The following TAFA2 variants were observed in gnomAD, a reference collection of about 807,000 sequenced individuals.
The protein encoded by TAFA2 is chemokine-like protein TAFA-2.
Under a neutral mutation model 18.8 loss-of-function variants are expected in TAFA2, and 7 were observed. The observed-to-expected ratio is 0.37, with a 90% CI of 0.21 to 0.70. TAFA2 has a LOEUF of 0.70. Among genes scored for constraint, TAFA2 ranks in the 30% least tolerant of loss-of-function variants. The pLI, the probability that TAFA2 is intolerant of heterozygous loss-of-function variation, is 0.53. For missense variants in TAFA2, 122 were observed against 158.1 expected (o/e 0.77, Z 1.23); for synonymous variants, 60 against 54.2 (o/e 1.11, Z -0.47).
chr12:61,842,020 A>C (rs1447614575), intron 2 of TAFA2, among the ~76,000 whole-genome samples: 1 of 152,072 alleles, frequency 6.6e-6, no homozygotes, highest in Non-Finnish European at 1.5e-5. Context: ...ATGACTAGTC[A>C]GTATCAGAAA....
intron 1 of TAFA2, among the ~76,000 whole-genome samples, chr12:61,991,301 G>A (rs1023733862): frequency 6.6e-6 from 1 of 152,178 alleles, no homozygotes; most frequent in Non-Finnish European, 1.5e-5. Context: ...CTAAAGATGA[G>A]CTATTTAACA....
chr12:62,237,934 C>T (rs1276162722), intron 1 of TAFA2, among the ~76,000 whole-genome samples: 1 of 152,200 alleles, frequency 6.6e-6, no homozygotes, highest in Non-Finnish European at 1.5e-5. Flanking sequence ...GCTGAACAGC[C>T]AATCTGCTTT....
At chr12:61,755,300 G>A (rs1021213370) in intron 2 of TAFA2, among the ~76,000 whole-genome samples, 12 of 152,072 alleles carry the variant, frequency 7.9e-5, no homozygotes, top group African/African-American at 2.7e-4. Context: ...AGTATGTGCC[G>A]TCATCAAAAA....
chr12:61,894,487 G>C (rs150425815), intron 1 of TAFA2, among the ~76,000 whole-genome samples: 172 of 152,308 alleles, frequency 1.1e-3, no homozygotes, highest in Non-Finnish European at 1.9e-3. Flanking sequence ...GCAGCAAAGA[G>C]ACAGTGCTAC....
chr12:62,120,269 T>G (rs1362556046), intron 1 of TAFA2, among the ~76,000 whole-genome samples: 2 of 152,196 alleles, frequency 1.3e-5, no homozygotes, highest in Non-Finnish European at 2.9e-5. Context: ...AAATGTTGAC[T>G]GACTTCAACT....
At chr12:61,997,481 C>A (rs73312225) in intron 1 of TAFA2, among the ~76,000 whole-genome samples, 2,660 of 152,088 alleles carry the variant, frequency 0.017, 94 homozygotes, top group African/African-American at 0.061. Context: ...AAAGAGAGGC[C>A]CAGTGGCTCT....
chr12:62,244,196 A>G (rs2062874525), intron 1 of TAFA2, among the ~76,000 whole-genome samples: 1 of 150,072 alleles, frequency 6.7e-6, no homozygotes, highest in Non-Finnish European at 1.5e-5. Context: ...ATAGTCTATC[A>G]TCTGAACTCA....
intron 1 of TAFA2, among the ~76,000 whole-genome samples, chr12:62,090,479 A>T (rs1166456897): frequency 6.6e-6 from 1 of 152,110 alleles, no homozygotes; most frequent in Non-Finnish European, 1.5e-5. Flanking sequence ...TAAACAGAAC[A>T]GTTGGCATCA....
intron 1 of TAFA2, among the ~76,000 whole-genome samples, chr12:61,997,165 A>ATGTGTGTG (rs1280241925): frequency 1.2e-5 from 1 of 83,726 alleles, no homozygotes; most frequent in Admixed American, 1.4e-4. Context: ...CTATATGTAT[A>ATGTGTGTG]TATGTGTGTG....
chr12:62,166,171 C>T (rs976842462), intron 1 of TAFA2, among the ~76,000 whole-genome samples: 1 of 151,920 alleles, frequency 6.6e-6, no homozygotes, highest in Non-Finnish European at 1.5e-5. Flanking sequence ...ATTTCTTATT[C>T]TTTAAAAAAA....
At chr12:61,874,880 T>C (rs1025502730) in intron 1 of TAFA2, among the ~76,000 whole-genome samples, 2 of 152,072 alleles carry the variant, frequency 1.3e-5, no homozygotes, top group Admixed American at 6.6e-5. Flanking sequence ...GTCTATAAAA[T>C]GGGAATGTTG....
At chr12:62,096,304 T>G (rs1418378906) in intron 1 of TAFA2, among the ~76,000 whole-genome samples, 1 of 152,082 alleles carries the variant, frequency 6.6e-6, no homozygotes, top group African/African-American at 2.4e-5. Flanking sequence ...ATAAAAACAC[T>G]GAAGTCACAT....
chr12:61,807,679 T>C (rs749806538), intron 2 of TAFA2, among the ~76,000 whole-genome samples: 5 of 151,010 alleles, frequency 3.3e-5, no homozygotes, highest in Non-Finnish European at 7.4e-5. Context: ...GCCACAGGAG[T>C]GGAGCTTCCC....
At chr12:62,164,913 A>C (rs2062428836) in intron 1 of TAFA2, among the ~76,000 whole-genome samples, 1 of 152,112 alleles carries the variant, frequency 6.6e-6, no homozygotes, top group African/African-American at 2.4e-5. Context: ...GTAGCCCTAC[A>C]TCCTCTTCAA....
intron 1 of TAFA2, among the ~76,000 whole-genome samples, chr12:61,899,925 C>T (rs1876023615): frequency 6.6e-6 from 1 of 152,120 alleles, no homozygotes; most frequent in East Asian, 1.9e-4. Context: ...AATACTACAG[C>T]CATTTTATAG....
At chr12:61,852,980 C>T (rs1034383122) in intron 2 of TAFA2, among the ~76,000 whole-genome samples, 7 of 152,076 alleles carry the variant, frequency 4.6e-5, no homozygotes, top group Non-Finnish European at 8.8e-5. Context: ...ATCTAACATA[C>T]AGGATAGCAA....
chr12:61,806,858 A>G (rs1486544947), intron 2 of TAFA2, among the ~76,000 whole-genome samples: 1 of 152,142 alleles, frequency 6.6e-6, no homozygotes, highest in Admixed American at 6.6e-5. Flanking sequence ...ATTTAGGGTA[A>G]CTGGTGGAAG....
intron 1 of TAFA2, among the ~76,000 whole-genome samples, chr12:62,061,121 A>G (rs1206540311): frequency 6.6e-6 from 1 of 152,176 alleles, no homozygotes; most frequent in African/African-American, 2.4e-5. Context: ...CTAAATGTAC[A>G]GCATTTATAA....
intron 1 of TAFA2, among the ~76,000 whole-genome samples, chr12:62,236,736 CT>C (rs1233664276): frequency 6.6e-6 from 1 of 152,176 alleles, no homozygotes; most frequent in African/African-American, 2.4e-5. Context: ...GTACAGTATT[CT>C]TGTTGGATAA....
Sources: gnomAD v4.1 joint callset for allele counts (sites outside exome capture counted in the v4.1 genomes callset) on GRCh38, gnomAD v4.1.1 for gene constraint, MANE v1.5 for transcripts, NCBI Gene and HGNC (gene_info 2026-07-23, HGNC 2026-07-21) for gene names.